Variants in ARSF observed in about 807,000 individuals in gnomAD.
The protein encoded by ARSF is arylsulfatase F.
In ARSF, 33 loss-of-function variants were observed where a neutral mutation model predicts 35.4. The ratio of observed to expected loss-of-function variants is 0.93; its 90% CI spans 0.71 to 1.25. The LOEUF (loss-of-function observed/expected upper bound fraction) is 1.25. ARSF is among the 50% of genes most tolerant of loss of function. ARSF has a pLI of 0.00. For missense variants in ARSF, 501 were observed against 480.2 expected (o/e 1.04, Z -0.40); for synonymous variants, 222 against 193.1 (o/e 1.15, Z -1.24).
chrX:3,102,407 C>G (rs1006493633), intron 8 of ARSF, among the ~76,000 whole-genome samples: 2 of 112,050 alleles, frequency 1.8e-5, no homozygotes, highest in African/African-American at 6.5e-5. Flanking sequence ...AGTTACTTCA[C>G]TTAGAATAAT....
intron 1 of ARSF, chrX:3,058,076 G>A (rs981704109): frequency 2.7e-4 from 30 of 112,189 alleles, no homozygotes; most frequent in African/African-American, 9.4e-4. Flanking sequence ...GTGTTCTAGT[G>A]TTTTCTTTTC....
rs778574970 is a variant in ARSF at position 3,068,080 on chromosome X, G to T, written c.-21G>T. On this transcript the variant is annotated 5_prime_UTR_variant, in exon 2 of 11. Coordinates refer to ENST00000381127, the MANE Select transcript of ARSF (RefSeq NM_001201539.2). ...CTGTGTCTTCTGCCAAAGACAACAA[G>T]AAGGTATTCCAAGCTGCACAATGAG... The T allele has an allele frequency of 8.4e-7, 1 of 1,184,474 alleles. No individual in the cohort carries two copies. The highest frequency in any genetic ancestry group is 1.8e-5 in the African/African-American group (1 of 55,386).
At chrX:3,103,693 T>G in intron 8 of ARSF, 69 bp from the exon 9 acceptor site, 5 of 1,150,083 alleles carry the variant, frequency 4.3e-6, no homozygotes, top group Non-Finnish European at 5.9e-6. Flanking sequence ...GCTTACCTTT[T>G]AAATACATTC....
At chrX:3,064,771 T>C (rs2090056430) in intron 1 of ARSF, among the ~76,000 whole-genome samples, 1 of 111,543 alleles carries the variant, frequency 9.0e-6, no homozygotes, top group South Asian at 3.8e-4. Flanking sequence ...TCACACCAGT[T>C]AGAATGGCGA....
intron 2 of ARSF, among the ~76,000 whole-genome samples, chrX:3,071,555 C>T (rs1008989945): frequency 6.3e-5 from 7 of 110,540 alleles, no homozygotes; most frequent in Admixed American, 2.9e-4. Flanking sequence ...CCACCTGCCT[C>T]GGCCTCCCAA....
chrX:3,064,010 A>G (rs2090053143), intron 1 of ARSF, among the ~76,000 whole-genome samples: 3 of 112,049 alleles, frequency 2.7e-5, no homozygotes, highest in African/African-American at 9.7e-5. Context: ...ATCCTAAGCA[A>G]AAAGAACAAA....
At position 3,044,461 on chromosome X, in the gene ARSF, C is replaced by T. The variant is rs768511685; in HGVS notation, c.-29+2798C>T. On this transcript the variant is annotated intron_variant, in intron 1 of 10. Coordinates refer to ENST00000381127, the MANE Select transcript of ARSF (RefSeq NM_001201539.2). ...CTTCTGCATCTGTCCTTTTGGACAC[C>T]GACTTCTTGTTTGGTGTCCAAGAAT... Among the ~76,000 whole-genome samples the T allele has an allele frequency of 5.4e-5, 6 of 110,888 alleles. No homozygotes were observed. In the East Asian group the frequency reaches 8.5e-4, roughly 16 times the overall value.
chrX:3,092,571 A>G (rs1236376451), intron 7 of ARSF, among the ~76,000 whole-genome samples: 3 of 111,788 alleles, frequency 2.7e-5, no homozygotes, highest in Admixed American at 9.6e-5. Flanking sequence ...GGTGTGTTGA[A>G]TCTGGTTGGA....
At chrX:3,107,005 A>G (rs1038515502) in intron 9 of ARSF, among the ~76,000 whole-genome samples, 4 of 112,119 alleles carry the variant, frequency 3.6e-5, no homozygotes, top group African/African-American at 1.3e-4. Flanking sequence ...ATCCTTTTGT[A>G]TATATTAAAT....
At chrX:3,103,018 C>T (rs1472470204) in intron 8 of ARSF, among the ~76,000 whole-genome samples, 1 of 111,754 alleles carries the variant, frequency 8.9e-6, no homozygotes, top group African/African-American at 3.2e-5. Flanking sequence ...GCCACTTCTC[C>T]TAATTTCCCC....
At position 3,112,725 on chromosome X, in the gene ARSF, C is replaced by A. The variant is rs1354456696; in HGVS notation, c.*169C>A. 3 of 721,163 alleles carry A rather than the reference C, an allele frequency of 4.2e-6. No individual in the cohort carries two copies. Among genetic ancestry groups the A allele is most frequent in the Non-Finnish European group, 5.5e-6 (3 of 542,296 alleles). 59.4% of individuals were successfully genotyped at this position (721,163 alleles called of 1,213,427 possible). On this transcript the variant is annotated 3_prime_UTR_variant, in exon 11 of 11. Transcript: ENST00000381127. Reference sequence around the variant, plus strand: ...GATTATTAAAGGCCCACTGGTTGTTCCACTTGCTGCTTTTTTTTGGATTCC... The same window carrying A: ...GATTATTAAAGGCCCACTGGTTGTTACACTTGCTGCTTTTTTTTGGATTCC...
intron 1 of ARSF, among the ~76,000 whole-genome samples, chrX:3,043,943 G>T (rs1451160754): frequency 9.1e-6 from 1 of 110,395 alleles, no homozygotes; most frequent in Non-Finnish European, 1.9e-5. Flanking sequence ...ATACTATCTC[G>T]CCCAGCTAAT....
rs1555919571 is a variant in ARSF, at chrX:3,077,789, T to TTTATTTA, written c.283+1125_283+1126insTATTATT. 4.4e-4 allele frequency among the ~76,000 whole-genome samples: 41 copies of TTTATTTA among 92,216 alleles called. 1 individual carries two copies. In the South Asian group the frequency reaches 0.023, roughly 52 times the overall value. 80.1% of individuals were successfully genotyped at this position (92,216 alleles called of 115,157 possible). ...CTCAATTTATATCAATTTTATTTTA[T>TTTATTTA]TTATTATTATTATTATTATTATTAT... is the stretch of plus-strand genomic sequence containing the variant. On this transcript the variant is annotated intron_variant, in intron 4 of 10. Coordinates refer to ENST00000381127, the MANE Select transcript of ARSF (RefSeq NM_001201539.2).
intron 3 of ARSF, among the ~76,000 whole-genome samples, chrX:3,073,191 A>G (rs1229057025): frequency 1.0e-5 from 1 of 97,615 alleles, no homozygotes; most frequent in Admixed American, 1.3e-4. Context: ...GATAATATAT[A>G]AAAGTATATA....
chrX:3,107,158 T>G (rs192640855), intron 9 of ARSF, among the ~76,000 whole-genome samples: 1 of 112,010 alleles, frequency 8.9e-6, no homozygotes, highest in African/African-American at 3.2e-5. Context: ...AAAAGGACCA[T>G]AAGCCTAAAT....
chrX:3,085,646 A>AT (rs779105860), intron 6 of ARSF, among the ~76,000 whole-genome samples: 1 of 110,694 alleles, frequency 9.0e-6, no homozygotes, highest in East Asian at 2.8e-4. Flanking sequence ...CTGTAAACAC[A>AT]TTTTTTCATT....
chrX:3,069,411 A>C (rs1158050598), intron 2 of ARSF, among the ~76,000 whole-genome samples: 1 of 109,359 alleles, frequency 9.1e-6, no homozygotes, highest in Non-Finnish European at 1.9e-5. Flanking sequence ...GCAGGCTTGA[A>C]CTCCTGAGCT....
chrX:3,094,713 G>C (rs1328908727), intron 7 of ARSF, among the ~76,000 whole-genome samples: 1 of 110,992 alleles, frequency 9.0e-6, no homozygotes, highest in Non-Finnish European at 1.9e-5. Flanking sequence ...CCCAGGGCAG[G>C]CCTGTCTGTG....
At chrX:3,110,870 C>G (rs1024728898) in intron 10 of ARSF, among the ~76,000 whole-genome samples, 2 of 112,009 alleles carry the variant, frequency 1.8e-5, no homozygotes, top group Non-Finnish European at 3.8e-5. Flanking sequence ...TGCACTCCAG[C>G]CTGGAAGACA....
Sources: allele counts gnomAD v4.1 joint callset (sites outside exome capture counted in the v4.1 genomes callset), GRCh38; gene constraint gnomAD v4.1.1; transcripts MANE v1.5; gene names NCBI Gene and HGNC (gene_info 2026-07-23, HGNC 2026-07-21).